RPTOR: variants seen among roughly 807,000 people sequenced by gnomAD.
RPTOR encodes the protein regulatory-associated protein of mTOR.
Under a neutral mutation model 169.9 loss-of-function variants are expected in RPTOR, and 21 were observed. That is an observed-to-expected ratio of 0.12 (90% confidence interval 0.09 to 0.18). The LOEUF is 0.18. RPTOR is among the 10% of genes least tolerant of loss of function. RPTOR has a pLI of 1.00. For missense variants in RPTOR, 1,133 were observed against 1,855.9 expected, an observed-to-expected ratio of 0.61 and a Z score of 7.16; for synonymous variants, 732 against 753.2, an observed-to-expected ratio of 0.97 and a Z score of 0.46.
At chr17:80,610,730 G>T (rs941840853) in intron 1 of RPTOR, among the ~76,000 whole-genome samples, 2 of 152,174 alleles carry the variant, frequency 1.3e-5, no homozygotes, top group Admixed American at 1.3e-4. Flanking sequence ...ACCAGGAGAA[G>T]CCCAGAGGAA....
In RPTOR at chr17:80,808,630, G is replaced by A. The variant is rs541315762; in HGVS notation, c.891-13571G>A. On this transcript the variant is annotated intron_variant, in intron 7 of 33. Transcript: ENST00000306801. ...ACTGTGCCCGTGGAGCCACACCACA[G>A]TCAGCGTATATCCCGTGTGTCCCCT... Among the ~76,000 whole-genome samples the A allele has an allele frequency of 5.3e-5, 8 of 152,332 alleles. No homozygotes were observed. The South Asian group carries it at 1.5e-3, about 28-fold the overall frequency.
rs1257855754 is a variant in RPTOR, at chr17:80,730,778, G to T, written c.654+72G>T. 1 of 935,716 alleles carries T rather than the reference G, an allele frequency of 1.1e-6. No homozygotes were observed. The highest frequency in any genetic ancestry group is 1.6e-6 in the Non-Finnish European group (1 of 610,088). 58.0% of individuals were successfully genotyped at this position (935,716 alleles called of 1,614,324 possible). On this transcript the variant is annotated intron_variant, in intron 5 of 33. Coordinates refer to ENST00000306801, the MANE Select transcript of RPTOR (RefSeq NM_020761.3). This position sits in a 1 kb window ranked among gnomAD's most constrained non-coding sequence, Gnocchi z 4.2. ...TTCCCTGGGGGTGGGGTTTGGGTGG[G>T]GAGGTTGGGAGGTGTTGGACATCCT...
At chr17:80,686,480 G>A (rs927839597) in intron 3 of RPTOR, among the ~76,000 whole-genome samples, 1 of 151,926 alleles carries the variant, frequency 6.6e-6, no homozygotes, top group Non-Finnish European at 1.5e-5. Context: ...GTGCGTCACT[G>A]TCTAGTGCAG....
intron 13 of RPTOR, among the ~76,000 whole-genome samples, chr17:80,875,079 G>T (rs924850982): frequency 6.6e-6 from 1 of 152,226 alleles, no homozygotes; most frequent in Admixed American, 6.5e-5. Flanking sequence ...AGGCACGGTG[G>T]TCTGTTAGCC....
chr17:80,902,400 G>A (rs1247291758), intron 20 of RPTOR, among the ~76,000 whole-genome samples: 7 of 152,224 alleles, frequency 4.6e-5, no homozygotes, highest in Admixed American at 1.3e-4. Flanking sequence ...TCTGCCATCC[G>A]TGCAGCTCAG....
At chr17:80,847,081 G>T (rs2067740118) in intron 11 of RPTOR, among the ~76,000 whole-genome samples, 2 of 152,266 alleles carry the variant, frequency 1.3e-5, no homozygotes, top group South Asian at 4.1e-4. Context: ...GAGCGGCTTT[G>T]TGGCCCAGCG....
intron 3 of RPTOR, among the ~76,000 whole-genome samples, chr17:80,665,835 G>A (rs950479528): frequency 7.2e-5 from 11 of 152,078 alleles, no homozygotes; most frequent in African/African-American, 1.4e-4. Context: ...GAGCCACCGC[G>A]CCCGGCCCCC....
At chr17:80,881,572 G>T (rs528594336) in intron 14 of RPTOR, among the ~76,000 whole-genome samples, 1 of 152,212 alleles carries the variant, frequency 6.6e-6, no homozygotes, top group Admixed American at 6.5e-5. Context: ...TAATCCCAGC[G>T]CTTTGGGAGG....
At position 80,957,710 on chromosome 17, in the gene RPTOR, G is replaced by C; in HGVS notation, c.3457G>C (p.Asp1153His). Reference sequence around the variant, plus strand: ...GCGGATCGTCCGGATCTGGGACACAGACCGTGAGATGAAGGTGCAGGTAAC... The same window carrying C: ...GCGGATCGTCCGGATCTGGGACACACACCGTGAGATGAAGGTGCAGGTAAC... Reference protein sequence around the residue: ...DVRIVRIWDTDREMKVQDIPT... With the variant: ...DVRIVRIWDTHREMKVQDIPT... Residue 1153 changes from aspartate (D) to histidine (H), a missense_variant, in exon 29 of 34, where the codon GAC becomes CAC. Transcript: ENST00000306801. This position sits in a 1 kb window ranked among gnomAD's most constrained non-coding sequence, Gnocchi z 4.6. 2.5e-6 allele frequency: 4 copies of C among 1,614,106 alleles called. No homozygotes were observed. Among genetic ancestry groups the C allele is most frequent in the Non-Finnish European group, 3.4e-6 (4 of 1,180,028 alleles).
intron 3 of RPTOR, among the ~76,000 whole-genome samples, chr17:80,686,824 A>G (rs1322673926): frequency 6.6e-6 from 1 of 152,166 alleles, no homozygotes. Flanking sequence ...CTTCAGAGTA[A>G]GGCTGTTGGA....
chr17:80,700,691 A>ATGGTGATGATGG (rs2066086004), intron 3 of RPTOR, among the ~76,000 whole-genome samples: 2 of 51,336 alleles, frequency 3.9e-5, no homozygotes, highest in African/African-American at 7.3e-5. Flanking sequence ...GGTGGTGGTG[A>ATGGTGATGATGG]TGGTGATGGT....
intron 3 of RPTOR, among the ~76,000 whole-genome samples, chr17:80,688,086 A>T (rs1229455557): frequency 6.6e-6 from 1 of 152,190 alleles, no homozygotes; most frequent in Non-Finnish European, 1.5e-5. Context: ...GAGTGGGGGA[A>T]ATAATTAACT....
At chr17:80,958,512 G>A (rs1304811289) in intron 29 of RPTOR, among the ~76,000 whole-genome samples, 1 of 141,966 alleles carries the variant, frequency 7.0e-6, no homozygotes, top group Non-Finnish European at 1.5e-5. Context: ...CTGGGTTCAT[G>A]CCATTCTTCT....
chr17:80,550,040 C>A (rs1421129359), intron 1 of RPTOR, among the ~76,000 whole-genome samples: 1 of 152,136 alleles, frequency 6.6e-6, no homozygotes. Flanking sequence ...TAGATCTGTT[C>A]AACTAATACA....
rs1378047295 is a variant in RPTOR at position 80,861,799 on chromosome 17, C to A, written c.1509+3899C>A. 6.6e-6 allele frequency among the ~76,000 whole-genome samples: 1 copy of A among 152,054 alleles called. No homozygotes were observed. The highest frequency in any genetic ancestry group is 1.5e-5 in the Non-Finnish European group (1 of 68,030). ...TTCTCAGACTTCGTGTTTTTAGTACCTTTTAGGACCTGGAAATTGATGATG... is the reference window on the plus strand; with the variant it reads ...TTCTCAGACTTCGTGTTTTTAGTACATTTTAGGACCTGGAAATTGATGATG... On this transcript the variant is annotated intron_variant, in intron 13 of 33. Transcript: ENST00000306801. The surrounding 1 kb of genome is among the most constrained non-coding windows in gnomAD (Gnocchi z 4.5).
At chr17:80,668,300 A>G (rs1209705787) in intron 3 of RPTOR, among the ~76,000 whole-genome samples, 1 of 152,146 alleles carries the variant, frequency 6.6e-6, no homozygotes, top group African/African-American at 2.4e-5. Flanking sequence ...TTTACTCATT[A>G]CTAGCCTTTA....
intron 6 of RPTOR, among the ~76,000 whole-genome samples, chr17:80,776,575 C>T (rs1598297221): frequency 6.6e-6 from 1 of 152,124 alleles, no homozygotes; most frequent in South Asian, 2.1e-4. Context: ...CCGTCCGCCT[C>T]GGCCTCCCAA....
At chr17:80,607,479 C>T (rs1311285360) in intron 1 of RPTOR, among the ~76,000 whole-genome samples, 1 of 152,018 alleles carries the variant, frequency 6.6e-6, no homozygotes, top group African/African-American at 2.4e-5. Flanking sequence ...GTCCTGCTTT[C>T]TAATCTAGCC....
chr17:80,919,821 G>C (rs1236164893), intron 21 of RPTOR, among the ~76,000 whole-genome samples: 1 of 152,252 alleles, frequency 6.6e-6, no homozygotes, highest in East Asian at 1.9e-4. Flanking sequence ...CCGGGACCTT[G>C]ACCCTCTTAC....
Sources: allele counts gnomAD v4.1 joint callset (sites outside exome capture counted in the v4.1 genomes callset), GRCh38; gene constraint gnomAD v4.1.1; non-coding constraint Gnocchi (gnomAD v3.1); transcripts MANE v1.5; gene names NCBI Gene and HGNC (gene_info 2026-07-23, HGNC 2026-07-21).